SORCS2: variants seen among roughly 807,000 people sequenced by gnomAD.
SORCS2 encodes sortilin related VPS10 domain containing receptor 2.
SORCS2 carries 100 observed loss-of-function variants against 141.6 expected under a neutral mutation model. The ratio of observed to expected loss-of-function variants is 0.71; its 90% CI spans 0.60 to 0.83. The LOEUF is 0.83. Ranked by LOEUF, SORCS2 falls within the 40% of genes least tolerant of loss-of-function variation. The pLI, the probability that SORCS2 is intolerant of heterozygous loss-of-function variation, is 0.00. For synonymous variants in SORCS2, 789 were observed against 676.9 expected, an observed-to-expected ratio of 1.17 and a Z score of -2.57; for missense variants, 1,646 against 1,560.2, an observed-to-expected ratio of 1.05 and a Z score of -0.93.
intron 2 of SORCS2, among the ~76,000 whole-genome samples, chr4:7,479,333 T>TG (rs11411930): frequency 0.22 from 33,688 of 151,536 alleles, 4,271 homozygotes; most frequent in African/African-American, 0.35. Flanking sequence ...ACTCTCCACG[T>TG]GCCGCCCTGA....
At chr4:7,479,105 C>G (rs1011739561) in intron 2 of SORCS2, among the ~76,000 whole-genome samples, 2 of 151,782 alleles carry the variant, frequency 1.3e-5, no homozygotes, top group African/African-American at 4.8e-5. Context: ...AGGTTAGGAT[C>G]AGTAAAGGGA....
intron 1 of SORCS2, among the ~76,000 whole-genome samples, chr4:7,378,011 C>T (rs1424156914): frequency 7.9e-5 from 12 of 152,154 alleles, no homozygotes; most frequent in East Asian, 1.9e-4. Flanking sequence ...CAATATACCC[C>T]GATTTTCATG....
intron 3 of SORCS2, among the ~76,000 whole-genome samples, chr4:7,612,709 A>G (rs1718492455): frequency 6.6e-6 from 1 of 152,198 alleles, no homozygotes; most frequent in South Asian, 2.1e-4. Context: ...GTCAATAACA[A>G]CTGTTCATGT....
intron 2 of SORCS2, among the ~76,000 whole-genome samples, chr4:7,517,952 G>T (rs1052308714): frequency 6.6e-6 from 1 of 152,196 alleles, no homozygotes; most frequent in Non-Finnish European, 1.5e-5. Context: ...TGCCACACAC[G>T]CTGGACGGAA....
chr4:7,321,480 GC>G (rs1718891043), intron 1 of SORCS2, among the ~76,000 whole-genome samples: 1 of 152,198 alleles, frequency 6.6e-6, no homozygotes, highest in South Asian at 2.1e-4. Flanking sequence ...CACCAACAAT[GC>G]CCAGGCTGAG....
chr4:7,258,499 G>C (rs1338326090), intron 1 of SORCS2, among the ~76,000 whole-genome samples: 1 of 152,182 alleles, frequency 6.6e-6, no homozygotes, highest in African/African-American at 2.4e-5. Flanking sequence ...TGGCTGCATA[G>C]TATCCCATGG....
At chr4:7,504,015 T>C (rs1283892162) in intron 2 of SORCS2, among the ~76,000 whole-genome samples, 1 of 152,180 alleles carries the variant, frequency 6.6e-6, no homozygotes, top group Non-Finnish European at 1.5e-5. Flanking sequence ...AGAGCAGGCC[T>C]GGAGCAGAGG....
chr4:7,222,683 G>A (rs545084492), intron 1 of SORCS2, among the ~76,000 whole-genome samples: 6 of 152,258 alleles, frequency 3.9e-5, no homozygotes, highest in African/African-American at 1.2e-4. Flanking sequence ...AGGGAGGGAG[G>A]CCACGTGCTG....
At position 7,531,616 on chromosome 4, in the gene SORCS2, CCAA is replaced by C; in HGVS notation, c.639_641del (p.Asn213del). ...ATCGACAATTTCTACATCTGCCCGACCAACAAGAGGAAGGTAGGTGCTGGCTGG... is the reference window on the plus strand; with the variant it reads ...ATCGACAATTTCTACATCTGCCCGACCAAGAGGAAGGTAGGTGCTGGCTGG... On this transcript the variant is annotated inframe_deletion, in exon 3 of 27. Transcript: ENST00000507866. 1 of 1,613,760 alleles carries C rather than the reference CCAA, an allele frequency of 6.2e-7. No individual in the cohort carries two copies. The highest frequency in any genetic ancestry group is 8.5e-7 in the Non-Finnish European group (1 of 1,179,792).
intron 2 of SORCS2, among the ~76,000 whole-genome samples, chr4:7,519,653 A>G (rs1250765313): frequency 1.3e-5 from 2 of 152,144 alleles, no homozygotes; most frequent in African/African-American, 4.8e-5. Flanking sequence ...TTCTGCCCTC[A>G]TCCCTTCATT....
At chr4:7,661,372 C>T in intron 5 of SORCS2, 128 bp from the exon 6 acceptor site, 2 of 935,052 alleles carry the variant, frequency 2.1e-6, no homozygotes, top group Non-Finnish European at 1.7e-6. Context: ...GTGATGCCCT[C>T]CGGACCCACA....
chr4:7,383,404 C>T (rs144075665), intron 1 of SORCS2, among the ~76,000 whole-genome samples: 1 of 152,198 alleles, frequency 6.6e-6, no homozygotes, highest in Admixed American at 6.5e-5. Flanking sequence ...CTGCAAGAGG[C>T]AGCGCTTCCT....
At chr4:7,595,217 A>G (rs1003229763) in intron 3 of SORCS2, among the ~76,000 whole-genome samples, 1 of 152,166 alleles carries the variant, frequency 6.6e-6, no homozygotes. Flanking sequence ...ACAACTCAGC[A>G]ACAGAGGAAG....
At chr4:7,275,305 T>G (rs1258796764) in intron 1 of SORCS2, among the ~76,000 whole-genome samples, 3 of 152,212 alleles carry the variant, frequency 2.0e-5, no homozygotes, top group African/African-American at 4.8e-5. Context: ...GCTGTAGGGT[T>G]GAGGGCTCTG....
chr4:7,621,451 CTGTG>C lies in SORCS2; in HGVS notation c.649-16874_649-16871del, dbSNP rs201323410. The stretch of plus-strand genomic sequence containing the variant: ...TGTGAGTGTGTGTCTATGTGTGTGT[CTGTG>C]TGAGTGTTTATGTGTGTGTCTGTGT... On this transcript the variant is annotated intron_variant, in intron 3 of 26. Coordinates refer to ENST00000507866, the MANE Select transcript of SORCS2 (RefSeq NM_020777.3). Among the ~76,000 whole-genome samples the C allele has an allele frequency of 9.1e-3, 1,304 of 143,640 alleles. 8 individuals are homozygous for C. The highest frequency in any genetic ancestry group is 0.012 in the Non-Finnish European group (758 of 65,682). 94.2% of individuals were successfully genotyped at this position (143,640 alleles called of 152,430 possible).
chr4:7,603,666 C>T (rs942295840), intron 3 of SORCS2, among the ~76,000 whole-genome samples: 16 of 152,140 alleles, frequency 1.1e-4, no homozygotes, highest in Admixed American at 2.6e-4. Flanking sequence ...ATTAATTCCT[C>T]TCTCTATTGT....
intron 1 of SORCS2, among the ~76,000 whole-genome samples, chr4:7,265,191 A>G (rs1714644425): frequency 6.6e-6 from 1 of 152,204 alleles, no homozygotes; most frequent in African/African-American, 2.4e-5. Flanking sequence ...TGGAGGCTGG[A>G]AGTCAGAAAG....
chr4:7,393,698 T>G (rs1724014050), intron 1 of SORCS2, among the ~76,000 whole-genome samples: 1 of 152,132 alleles, frequency 6.6e-6, no homozygotes, highest in South Asian at 2.1e-4. Flanking sequence ...GCTGTAACTG[T>G]GGGGCTCGTC....
intron 2 of SORCS2, among the ~76,000 whole-genome samples, chr4:7,450,770 TGAGA>T (rs1728382834): frequency 6.6e-6 from 1 of 151,874 alleles, no homozygotes; most frequent in South Asian, 2.1e-4. Flanking sequence ...AGTGAGTAAA[TGAGA>T]GAGTGAATGA....
Sources: gnomAD v4.1 joint callset for allele counts (sites outside exome capture counted in the v4.1 genomes callset) on GRCh38, gnomAD v4.1.1 for gene constraint, MANE v1.5 for transcripts, NCBI Gene and HGNC (gene_info 2026-07-23, HGNC 2026-07-21) for gene names.